Variants in ZNF385D observed in about 807,000 individuals in gnomAD.
The protein encoded by ZNF385D is zinc finger protein 385D.
A neutral mutation model predicts 35.8 loss-of-function variants in ZNF385D; 15 were observed. The observed-to-expected ratio is 0.42, with a 90% CI of 0.28 to 0.64. The LOEUF is 0.64. ZNF385D is among the 30% of genes least tolerant of loss of function. The pLI, the probability that ZNF385D is intolerant of heterozygous loss-of-function variation, is 0.23. For synonymous variants in ZNF385D, 212 were observed against 186.8 expected, an observed-to-expected ratio of 1.13 and a Z score of -1.10; for missense variants, 474 against 494.6, an observed-to-expected ratio of 0.96 and a Z score of 0.39.
chr3:21,606,430 T>C (rs939859985), intron 2 of ZNF385D, among the ~76,000 whole-genome samples: 2 of 152,226 alleles, frequency 1.3e-5, no homozygotes, highest in Non-Finnish European at 2.9e-5. Flanking sequence ...CCACAGAATG[T>C]ATATGAAATA....
chr3:22,091,580 T>C (rs1236879144), intron 3 of ZNF385D, among the ~76,000 whole-genome samples: 1 of 137,110 alleles, frequency 7.3e-6, no homozygotes, highest in African/African-American at 2.8e-5. Flanking sequence ...TTGTTTTATC[T>C]ACCCAGTAGG....
intron 3 of ZNF385D, among the ~76,000 whole-genome samples, chr3:22,005,363 T>C (rs535744636): frequency 1.6e-4 from 24 of 152,202 alleles, no homozygotes; most frequent in Admixed American, 2.0e-4. Flanking sequence ...ACAGTCATTA[T>C]GGAAAACAGT....
intron 3 of ZNF385D, among the ~76,000 whole-genome samples, chr3:22,162,402 C>T (rs1324082248): frequency 2.6e-5 from 4 of 151,986 alleles, no homozygotes; most frequent in Non-Finnish European, 1.5e-5. Flanking sequence ...TTCTCTGAAG[C>T]CCCCCTTATC....
At chr3:21,496,414 GAT>G (rs1028072338) in intron 4 of ZNF385D, among the ~76,000 whole-genome samples, 5 of 138,322 alleles carry the variant, frequency 3.6e-5, no homozygotes, top group Non-Finnish European at 6.2e-5. Flanking sequence ...ACATATATTT[GAT>G]ATATATATCA....
intron 2 of ZNF385D, among the ~76,000 whole-genome samples, chr3:21,654,525 C>A (rs1406580906): frequency 1.3e-5 from 2 of 151,988 alleles, no homozygotes; most frequent in Non-Finnish European, 2.9e-5. Context: ...CTGCTTCAAA[C>A]TCCCCTTCCT....
intron 3 of ZNF385D, among the ~76,000 whole-genome samples, chr3:22,151,840 C>T (rs962125943): frequency 2.0e-4 from 31 of 152,106 alleles, no homozygotes; most frequent in Admixed American, 1.8e-3. Flanking sequence ...ATTCAATTTA[C>T]CTCACTCAGT....
chr3:21,471,029 A>G (rs1703851712), intron 4 of ZNF385D, among the ~76,000 whole-genome samples: 1 of 152,186 alleles, frequency 6.6e-6, no homozygotes, highest in East Asian at 1.9e-4. Flanking sequence ...TCCATTGATA[A>G]AATCATTGAA....
intron 1 of ZNF385D, among the ~76,000 whole-genome samples, chr3:21,750,597 C>T (rs181007254): frequency 6.6e-6 from 1 of 152,184 alleles, no homozygotes; most frequent in African/African-American, 2.4e-5. Context: ...TTCTCCTTCA[C>T]CTAGCTAAAA....
chr3:22,211,332 C>G (rs932761463), intron 2 of ZNF385D, among the ~76,000 whole-genome samples: 10 of 151,910 alleles, frequency 6.6e-5, no homozygotes, highest in Admixed American at 2.0e-4. Context: ...TCAGTAGCCA[C>G]TTTTCTCATC....
At chr3:21,428,944 T>TTTTTTTTTTTTTTTTC in intron 5 of ZNF385D, among the ~76,000 whole-genome samples, 1 of 147,588 alleles carries the variant, frequency 6.8e-6, no homozygotes, top group East Asian at 2.0e-4. Context: ...TTTTTTTTTT[T>TTTTTTTTTTTTTTTTC]TGCTTTCTGC....
chr3:22,123,217 C>A (rs748005069), intron 3 of ZNF385D, among the ~76,000 whole-genome samples: 1 of 151,732 alleles, frequency 6.6e-6, no homozygotes, highest in South Asian at 2.1e-4. Context: ...AGGGGAGAAG[C>A]GGGGGAGACT....
At chr3:22,225,474 G>T (rs1359304842) in intron 2 of ZNF385D, among the ~76,000 whole-genome samples, 1 of 152,136 alleles carries the variant, frequency 6.6e-6, no homozygotes, top group East Asian at 1.9e-4. Context: ...TCAACCAATG[G>T]CTGGCTGGGG....
chr3:22,190,225 T>C (rs887874416), intron 2 of ZNF385D, among the ~76,000 whole-genome samples: 1 of 152,118 alleles, frequency 6.6e-6, no homozygotes, highest in African/African-American at 2.4e-5. Context: ...GAAAATCAAA[T>C]CTATGAGATG....
upstream of ZNF385D, among the ~76,000 whole-genome samples, chr3:21,756,163 C>G (rs1030639025): frequency 1.3e-5 from 2 of 152,062 alleles, no homozygotes; most frequent in Admixed American, 1.3e-4. Context: ...GTTAGGAAGC[C>G]TTTGTAGTAA....
chr3:22,157,331 A>T (rs1705653413), intron 3 of ZNF385D, among the ~76,000 whole-genome samples: 1 of 152,160 alleles, frequency 6.6e-6, no homozygotes, highest in Admixed American at 6.6e-5. Flanking sequence ...AATGCATGAA[A>T]AATGTTACTC....
chr3:22,277,769 C>T (rs998301014), intron 2 of ZNF385D, among the ~76,000 whole-genome samples: 1 of 152,054 alleles, frequency 6.6e-6, no homozygotes. Flanking sequence ...GCTCAGGTTA[C>T]GGCTCTCTGA....
At chr3:21,918,178 G>C (rs1700285497) in intron 3 of ZNF385D, among the ~76,000 whole-genome samples, 1 of 140,406 alleles carries the variant, frequency 7.1e-6, no homozygotes, top group Non-Finnish European at 1.6e-5. Flanking sequence ...TAGCAATGGG[G>C]AATATGATTG....
chr3:21,995,940 G>C (rs752386350), intron 3 of ZNF385D, among the ~76,000 whole-genome samples: 3 of 152,080 alleles, frequency 2.0e-5, no homozygotes, highest in Non-Finnish European at 4.4e-5. Flanking sequence ...AGGATACTGT[G>C]TGGGCTAGAG....
At chr3:22,011,538 G>C (rs1436606018) in intron 3 of ZNF385D, among the ~76,000 whole-genome samples, 1 of 152,026 alleles carries the variant, frequency 6.6e-6, no homozygotes, top group Non-Finnish European at 1.5e-5. Flanking sequence ...AATACAGTTT[G>C]ATATTCCTTA....
Sources: gnomAD v4.1 joint callset for allele counts (sites outside exome capture counted in the v4.1 genomes callset) on GRCh38, gnomAD v4.1.1 for gene constraint, MANE v1.5 for transcripts, NCBI Gene and HGNC (gene_info 2026-07-23, HGNC 2026-07-21) for gene names.